SH3BGRL: variants seen among roughly 807,000 people sequenced by gnomAD.
SH3BGRL encodes the protein adapter SH3BGRL.
Under a neutral mutation model 9.8 loss-of-function variants are expected in SH3BGRL, and 7 were observed. That is an observed-to-expected ratio of 0.72 (90% confidence interval 0.41 to 1.35). SH3BGRL has a LOEUF of 1.35. Ranked by LOEUF, SH3BGRL falls within the 40% of genes most tolerant of loss-of-function variation. The probability of loss-of-function intolerance (pLI) is 0.01; values close to 1 mark genes in which losing one functional copy is unlikely to be tolerated. For missense variants in SH3BGRL, 73 were observed against 84.4 expected (o/e 0.86, Z 0.53); for synonymous variants, 36 against 29.1 (o/e 1.24, Z -0.76).
chrX:81,287,617 A>G (rs1229425105), intron 3 of SH3BGRL, among the ~76,000 whole-genome samples: 3 of 111,012 alleles, frequency 2.7e-5, no homozygotes, highest in African/African-American at 9.8e-5. Context: ...ACACATAGAC[A>G]CAGGGAGGGT....
chrX:81,259,416 T>C (rs773349971), intron 1 of SH3BGRL, among the ~76,000 whole-genome samples: 57 of 112,093 alleles, frequency 5.1e-4, no homozygotes, highest in African/African-American at 1.8e-3. Context: ...TTCTCTAGAT[T>C]CTTGAACTTG....
At chrX:81,261,755 G>A (rs1240554438) in intron 1 of SH3BGRL, among the ~76,000 whole-genome samples, 1 of 111,102 alleles carries the variant, frequency 9.0e-6, no homozygotes, top group Non-Finnish European at 1.9e-5. Context: ...GTGTGCAAAC[G>A]GTAACTATGA....
rs756993834 is a variant in SH3BGRL at position 81,278,618 on chromosome X, A to G, written c.312+207A>G. Among the ~76,000 whole-genome samples, 15 of 112,346 alleles carry G rather than the reference A, an allele frequency of 1.3e-4. No individual in the cohort carries two copies. In the South Asian group the frequency reaches 5.5e-3, roughly 41 times the overall value. ...TGCATAAACTATGTGTTTAGCAGGTAGGTAGAGTGACTTCCCCATCAAGCT... is the reference window on the plus strand; with the variant it reads ...TGCATAAACTATGTGTTTAGCAGGTGGGTAGAGTGACTTCCCCATCAAGCT... On this transcript the variant is annotated intron_variant, in intron 3 of 3. Transcript: ENST00000373212.
rs149271038 is a variant in SH3BGRL, at chrX:81,250,870, G to A, written c.46-26114G>A. On this transcript the variant is annotated intron_variant, in intron 1 of 3. Coordinates refer to ENST00000373212, the MANE Select transcript of SH3BGRL (RefSeq NM_003022.3). ...GTATCCAAATATACCTGGTCCCCGT[G>A]TTGGATGGAAAAGCTAGAGAGCTTC... Among the ~76,000 whole-genome samples, 346 of 112,031 alleles carry A rather than the reference G, an allele frequency of 3.1e-3. 3 individuals carry two copies. The highest frequency in any genetic ancestry group is 0.01 in the African/African-American group (314 of 30,830).
chrX:81,229,348 C>G (rs768387751), intron 1 of SH3BGRL, among the ~76,000 whole-genome samples: 1 of 111,240 alleles, frequency 9.0e-6, no homozygotes, highest in Non-Finnish European at 1.9e-5. Flanking sequence ...TTCAGTTTAG[C>G]CATCTGTAGG....
chrX:81,230,508 G>A (rs1369475036), intron 1 of SH3BGRL, among the ~76,000 whole-genome samples: 2 of 111,853 alleles, frequency 1.8e-5, no homozygotes, highest in African/African-American at 6.5e-5. Context: ...AAACAGGTAT[G>A]TGATGTGCAA....
chrX:81,252,089 A>G (rs1254594411), intron 1 of SH3BGRL, among the ~76,000 whole-genome samples: 1 of 112,139 alleles, frequency 8.9e-6, no homozygotes, highest in Non-Finnish European at 1.9e-5. Flanking sequence ...TTCTATGATG[A>G]AGAATCATTA....
intron 3 of SH3BGRL, among the ~76,000 whole-genome samples, chrX:81,295,380 G>T (rs747853256): frequency 1.4e-3 from 160 of 111,467 alleles, no homozygotes; most frequent in African/African-American, 5.0e-3. Context: ...CACCAGATCT[G>T]TTGGTTTTAT....
chrX:81,261,693 A>C (rs1398819599), intron 1 of SH3BGRL, among the ~76,000 whole-genome samples: 1 of 111,253 alleles, frequency 9.0e-6, no homozygotes, highest in Non-Finnish European at 1.9e-5. Context: ...GCTTTCATCT[A>C]GGATTTGGAG....
At chrX:81,258,172 C>T (rs751130157) in intron 1 of SH3BGRL, among the ~76,000 whole-genome samples, 1 of 111,623 alleles carries the variant, frequency 9.0e-6, no homozygotes, top group African/African-American at 3.3e-5. Flanking sequence ...AACATTTTTT[C>T]CTGTTGCTGA....
intron 1 of SH3BGRL, among the ~76,000 whole-genome samples, chrX:81,225,147 A>AT (rs968811869): frequency 1.1e-4 from 12 of 109,482 alleles, no homozygotes; most frequent in Middle Eastern, 4.7e-3. Context: ...TACCAATTTT[A>AT]TTTTTTTTTA....
At chrX:81,274,211 T>A (rs1017782301) in intron 1 of SH3BGRL, among the ~76,000 whole-genome samples, 1 of 111,770 alleles carries the variant, frequency 8.9e-6, no homozygotes, top group Admixed American at 9.5e-5. Context: ...ATGCATTCAC[T>A]GTGTCCCCTT....
chrX:81,229,750 C>T (rs753125617), intron 1 of SH3BGRL, among the ~76,000 whole-genome samples: 3 of 111,597 alleles, frequency 2.7e-5, no homozygotes, highest in African/African-American at 6.5e-5. Context: ...GATGTCCAGG[C>T]GCTTGTATGC....
In SH3BGRL at chrX:81,298,229, C is replaced by A. The variant is rs1416411431; in HGVS notation, c.*1002C>A. ...GTGTATTAGTCTAAGCAGTGAGAAT[C>A]TTTTCTATGCCTCTATTCCAGCAAA... On this transcript the variant is annotated 3_prime_UTR_variant, in exon 4 of 4. Coordinates refer to ENST00000373212, the MANE Select transcript of SH3BGRL (RefSeq NM_003022.3). 1 of 111,353 alleles carries A rather than the reference C, an allele frequency of 9.0e-6. No homozygotes were observed. The highest frequency in any genetic ancestry group is 3.3e-5 in the African/African-American group (1 of 30,752). 9.2% of individuals were successfully genotyped at this position (111,353 alleles called of 1,213,427 possible).
At chrX:81,243,554 G>T (rs1370471246) in intron 1 of SH3BGRL, among the ~76,000 whole-genome samples, 2 of 110,932 alleles carry the variant, frequency 1.8e-5, no homozygotes, top group Non-Finnish European at 3.8e-5. Context: ...ATTGTTTATA[G>T]CACAAAAGTA....
intron 3 of SH3BGRL, among the ~76,000 whole-genome samples, chrX:81,288,900 A>T (rs1223076308): frequency 8.9e-6 from 1 of 111,815 alleles, no homozygotes; most frequent in Non-Finnish European, 1.9e-5. Context: ...AATATCAATG[A>T]CATTCTTCAC....
intron 1 of SH3BGRL, among the ~76,000 whole-genome samples, chrX:81,276,256 A>G (rs190347257): frequency 5.5e-5 from 6 of 109,573 alleles, no homozygotes; most frequent in African/African-American, 2.0e-4. Flanking sequence ...TACATGTGCC[A>G]TCTCCACCTG....
intron 1 of SH3BGRL, among the ~76,000 whole-genome samples, chrX:81,208,119 G>T (rs762871074): frequency 9.0e-6 from 1 of 110,567 alleles, no homozygotes; most frequent in Non-Finnish European, 1.9e-5. Flanking sequence ...AAAAATAGCC[G>T]GGCGTGGTGG....
At position 81,221,414 on chromosome X, in the gene SH3BGRL, G is replaced by A. The variant is rs1002111555; in HGVS notation, c.45+19169G>A. Reference sequence around the variant, plus strand: ...TTGTGCCAGAATTTTCAATGCTGTGGCTGCTCAATGGTTGCCTTTGGCCAA... The same window carrying A: ...TTGTGCCAGAATTTTCAATGCTGTGACTGCTCAATGGTTGCCTTTGGCCAA... On this transcript the variant is annotated intron_variant, in intron 1 of 3. Transcript: ENST00000373212. Among the ~76,000 whole-genome samples, 6 of 111,845 alleles carry A rather than the reference G, an allele frequency of 5.4e-5. 1 individual carries two copies. The Admixed American group carries it at 5.7e-4, about 11-fold the overall frequency.
Sources: allele counts gnomAD v4.1 joint callset (sites outside exome capture counted in the v4.1 genomes callset), GRCh38; gene constraint gnomAD v4.1.1; transcripts MANE v1.5; gene names NCBI Gene and HGNC (gene_info 2026-07-23, HGNC 2026-07-21).